NAALADL2: variants seen among roughly 807,000 people sequenced by gnomAD.
NAALADL2 encodes N-acetylated alpha-linked acidic dipeptidase like 2, also known as inactive N-acetylated-alpha-linked acidic dipeptidase-like protein 2.
A neutral mutation model predicts 87.2 loss-of-function variants in NAALADL2; 76 were observed. The ratio of observed to expected loss-of-function variants is 0.87; its 90% CI spans 0.72 to 1.05. The LOEUF (loss-of-function observed/expected upper bound fraction) is 1.05. Among genes scored for constraint, NAALADL2 ranks in the 50% least tolerant of loss-of-function variants. The probability of loss-of-function intolerance (pLI) is 0.00; values close to 1 mark genes in which losing one functional copy is unlikely to be tolerated. For missense variants in NAALADL2, 1,089 were observed against 945.8 expected, an observed-to-expected ratio of 1.15 and a Z score of -1.99; for synonymous variants, 354 against 331.0, an observed-to-expected ratio of 1.07 and a Z score of -0.75.
chr3:175,402,221 C>T (rs1166794123), intron 5 of NAALADL2, among the ~76,000 whole-genome samples: 1 of 151,968 alleles, frequency 6.6e-6, no homozygotes, highest in Admixed American at 6.6e-5. Context: ...ACATTCAATA[C>T]AAACAAAACT....
intron 11 of NAALADL2, among the ~76,000 whole-genome samples, chr3:175,722,514 G>A (rs548747995): frequency 6.6e-6 from 1 of 152,198 alleles, no homozygotes; most frequent in South Asian, 2.1e-4. Context: ...CTGAATTCTT[G>A]CTACCCCTAC....
chr3:174,999,713 G>A (rs559837346), intron 1 of NAALADL2, among the ~76,000 whole-genome samples: 3 of 152,180 alleles, frequency 2.0e-5, no homozygotes, highest in Non-Finnish European at 4.4e-5. Flanking sequence ...ATTAACTACT[G>A]AAAGTGCATA....
rs887265901 is a variant in NAALADL2, at chr3:174,918,452, G to T, written c.43+59002G>T. On this transcript the variant is annotated intron_variant, in intron 1 of 13. Coordinates refer to ENST00000454872, the MANE Select transcript of NAALADL2 (RefSeq NM_207015.3). ...CCTCAAAACTCACTGACTTAAAATGGTAAGGATTTATTACTGCTCACTAGC... is the reference window on the plus strand; with the variant it reads ...CCTCAAAACTCACTGACTTAAAATGTTAAGGATTTATTACTGCTCACTAGC... 2.6e-5 allele frequency among the ~76,000 whole-genome samples: 4 copies of T among 152,110 alleles called. No homozygotes were observed. The East Asian group carries it at 7.7e-4, about 29-fold the overall frequency.
At chr3:175,352,815 G>A (rs1360397889) in intron 5 of NAALADL2, among the ~76,000 whole-genome samples, 1 of 152,106 alleles carries the variant, frequency 6.6e-6, no homozygotes, top group African/African-American at 2.4e-5. Context: ...TATGGGTATG[G>A]GTATGGGTGT....
chr3:175,013,013 A>G (rs1289940413), intron 1 of NAALADL2, among the ~76,000 whole-genome samples: 1 of 123,506 alleles, frequency 8.1e-6, no homozygotes, highest in Non-Finnish European at 1.7e-5. Context: ...ATGTACATAT[A>G]TAATATATAA....
intron 2 of NAALADL2, among the ~76,000 whole-genome samples, chr3:175,180,529 G>C (rs1736309145): frequency 6.6e-6 from 1 of 151,848 alleles, no homozygotes; most frequent in Admixed American, 6.6e-5. Flanking sequence ...AGAATGAAGT[G>C]ATCCTTCTGG....
chr3:175,059,626 TG>T, intron 1 of NAALADL2: 1 of 359,482 alleles, frequency 2.8e-6, no homozygotes, highest in South Asian at 2.7e-5. Context: ...TGGCAACAAG[TG>T]CATGTTTTTT....
rs549602491 is a variant in NAALADL2, at chr3:174,574,813, A to AT, written c.-115+24184dup. ...TGATTGGCTACCTTCACTCAGTGTA[A>AT]TTTTTTTTGAGATTTATCTATGATG... On this transcript the variant is annotated intron_variant, in intron 2 of 3. Transcript: ENST00000434257. 9.2e-5 allele frequency among the ~76,000 whole-genome samples: 14 copies of AT among 151,930 alleles called. No homozygotes were observed. The East Asian group carries it at 1.9e-3, about 21-fold the overall frequency.
intron 2 of NAALADL2, among the ~76,000 whole-genome samples, chr3:174,654,016 GCTT>G (rs1302372687): frequency 2.0e-5 from 3 of 150,340 alleles, no homozygotes; most frequent in East Asian, 2.0e-4. Flanking sequence ...TTTTATTTAG[GCTT>G]CTTCTCTTGG....
chr3:174,604,188 A>C (rs758417241), intron 2 of NAALADL2, among the ~76,000 whole-genome samples: 1 of 152,136 alleles, frequency 6.6e-6, no homozygotes, highest in Non-Finnish European at 1.5e-5. Context: ...GGGGTCTCTA[A>C]CTATTATTGT....
chr3:174,964,728 A>T (rs997380500), intron 1 of NAALADL2, among the ~76,000 whole-genome samples: 1 of 152,090 alleles, frequency 6.6e-6, no homozygotes, highest in African/African-American at 2.4e-5. Flanking sequence ...TGGCTCATAT[A>T]TTCCTCCTGC....
At chr3:174,661,830 C>T (rs1478872185) in intron 2 of NAALADL2, among the ~76,000 whole-genome samples, 28 of 150,608 alleles carry the variant, frequency 1.9e-4, no homozygotes, top group Admixed American at 1.8e-3. Context: ...CGTGCACGCA[C>T]ACACACACAC....
At chr3:175,769,201 GTC>G (rs2150172686) in intron 13 of NAALADL2, among the ~76,000 whole-genome samples, 1 of 152,300 alleles carries the variant, frequency 6.6e-6, no homozygotes, top group South Asian at 2.1e-4. Context: ...AGTACGCAGT[GTC>G]TACCATAGGC....
intron 1 of NAALADL2, among the ~76,000 whole-genome samples, chr3:175,049,440 T>C (rs941674716): frequency 1.3e-5 from 2 of 152,164 alleles, no homozygotes; most frequent in Admixed American, 1.3e-4. Context: ...AAAACCTGTG[T>C]ATAGAGGCCT....
At chr3:175,132,375 G>A (rs568347138) in intron 2 of NAALADL2, among the ~76,000 whole-genome samples, 1 of 85,156 alleles carries the variant, frequency 1.2e-5, no homozygotes, top group Admixed American at 1.1e-4. Context: ...TCACTTCCCA[G>A]TAGGGGCGGC....
intron 3 of NAALADL2, among the ~76,000 whole-genome samples, chr3:174,842,742 T>A (rs527548705): frequency 4.6e-5 from 7 of 152,238 alleles, no homozygotes; most frequent in Admixed American, 4.6e-4. Flanking sequence ...TATGAATCAT[T>A]TATACCTTAA....
At chr3:175,179,502 G>A (rs1385420876) in intron 2 of NAALADL2, among the ~76,000 whole-genome samples, 1 of 151,800 alleles carries the variant, frequency 6.6e-6, no homozygotes, top group East Asian at 1.9e-4. Flanking sequence ...AGTAGCCTAT[G>A]GAATTTTACT....
At chr3:174,742,486 A>G (rs1733856960) in intron 3 of NAALADL2, among the ~76,000 whole-genome samples, 1 of 151,792 alleles carries the variant, frequency 6.6e-6, no homozygotes, top group Admixed American at 6.6e-5. Context: ...GCCAGACCAA[A>G]AAAGTCAACC....
chr3:174,582,435 T>C (rs1429998206), intron 2 of NAALADL2, among the ~76,000 whole-genome samples: 2 of 152,324 alleles, frequency 1.3e-5, no homozygotes, highest in East Asian at 1.9e-4. Context: ...ATAAAAAACC[T>C]GTGACTGCAT....
Sources: allele counts gnomAD v4.1 joint callset (sites outside exome capture counted in the v4.1 genomes callset), GRCh38; gene constraint gnomAD v4.1.1; transcripts MANE v1.5; gene names NCBI Gene and HGNC (gene_info 2026-07-23, HGNC 2026-07-21).